Variants in SLC36A2 observed in about 807,000 individuals in gnomAD.
SLC36A2 encodes the protein proton-coupled amino acid transporter 2.
In SLC36A2, 39 loss-of-function variants were observed where a neutral mutation model predicts 42.7. That is an observed-to-expected ratio of 0.91 (90% CI 0.71 to 1.19). The LOEUF is 1.19. SLC36A2 is among the 50% of genes most tolerant of loss of function. The pLI, the probability that SLC36A2 is intolerant of heterozygous loss-of-function variation, is 0.00. For missense variants in SLC36A2, 590 were observed against 613.7 expected, an observed-to-expected ratio of 0.96 and a Z score of 0.41; for synonymous variants, 237 against 240.8, an observed-to-expected ratio of 0.98 and a Z score of 0.15.
intron 8 of SLC36A2, among the ~76,000 whole-genome samples, chr5:151,324,494 G>A (rs1755795872): frequency 6.6e-6 from 1 of 152,034 alleles, no homozygotes; most frequent in African/African-American, 2.4e-5. Context: ...CACCATGCCC[G>A]GCTAATTTTG....
At chr5:151,347,179 A>G (rs1210104418) in intron 1 of SLC36A2, 118 bp downstream of exon 1, 2 of 1,290,624 alleles carry the variant, frequency 1.5e-6, no homozygotes, top group Admixed American at 1.7e-5. Context: ...ACCTTTTGCA[A>G]CCTTGGTTTC....
intron 4 of SLC36A2, among the ~76,000 whole-genome samples, chr5:151,341,368 C>T (rs965007932): frequency 2.6e-5 from 4 of 152,036 alleles, no homozygotes; most frequent in Non-Finnish European, 4.4e-5. Context: ...GGGCTTTGAG[C>T]GAAGGGTGGT....
At chr5:151,345,607 G>A (rs1009001879) in intron 1 of SLC36A2, among the ~76,000 whole-genome samples, 9 of 151,916 alleles carry the variant, frequency 5.9e-5, no homozygotes, top group African/African-American at 9.7e-5. Context: ...TGTCCACATC[G>A]CTGACCGAGC....
At chr5:151,346,221 G>A (rs1212227784) in intron 1 of SLC36A2, among the ~76,000 whole-genome samples, 1 of 152,134 alleles carries the variant, frequency 6.6e-6, no homozygotes, top group East Asian at 1.9e-4. Flanking sequence ...AGCAGTGGCT[G>A]GCCCCAACTT....
intron 4 of SLC36A2, among the ~76,000 whole-genome samples, chr5:151,340,277 TAAGAG>T (rs1411855436): frequency 6.9e-6 from 1 of 145,104 alleles, no homozygotes. Context: ...GAAGAAGAAC[TAAGAG>T]AAGAGGAAGA....
At position 151,315,554 on chromosome 5, in the gene SLC36A2, G is replaced by C. The variant is rs28580881; in HGVS notation, c.*1263C>G. On this transcript the variant is annotated 3_prime_UTR_variant, in exon 10 of 10. Coordinates refer to ENST00000335244, the MANE Select transcript of SLC36A2 (RefSeq NM_181776.3). ...AGGCAGAAGAATCGCTTGAACCCAG[G>C]AGGTGGAGGTTGCAGTGAGCCGAGA... is the stretch of plus-strand genomic sequence containing the variant. 12,451 of 152,280 alleles carry C rather than the reference G, an allele frequency of 0.082. 787 individuals carry two copies. The highest frequency in any genetic ancestry group is 0.17 in the African/African-American group (7,090 of 41,496). 9.4% of individuals were successfully genotyped at this position (152,280 alleles called of 1,614,324 possible).
At chr5:151,339,578 G>A (rs1756261492) in intron 4 of SLC36A2, among the ~76,000 whole-genome samples, 1 of 152,172 alleles carries the variant, frequency 6.6e-6, no homozygotes, top group Non-Finnish European at 1.5e-5. Context: ...CCAAAGTGCT[G>A]GGATTACAGG....
rs528286169 is a variant in SLC36A2, at chr5:151,318,352, T to G, written c.1181-1264A>C. On this transcript the variant is annotated intron_variant, in intron 9 of 9. Transcript: ENST00000335244. ...TGTCAATGTTTGTACTATCAAAATTTGTATCAATGTACAAATTTTTTAGAA... is the reference window on the plus strand; with the variant it reads ...TGTCAATGTTTGTACTATCAAAATTGGTATCAATGTACAAATTTTTTAGAA... Among the ~76,000 whole-genome samples, 31 of 150,746 alleles carry G rather than the reference T, an allele frequency of 2.1e-4. No homozygotes were observed. The South Asian group carries it at 6.5e-3, about 31-fold the overall frequency.
At chr5:151,325,581 G>A (rs1755831536) in intron 7 of SLC36A2, 129 bp from the exon 8 acceptor site, 1 of 971,426 alleles carries the variant, frequency 1.0e-6, no homozygotes, top group Non-Finnish European at 1.6e-6. Context: ...GTACACTTAT[G>A]TTCACAGTAG....
At chr5:151,338,903 A>C in intron 5 of SLC36A2, 157 bp downstream of exon 5, 2 of 631,534 alleles carry the variant, frequency 3.2e-6, no homozygotes, top group Non-Finnish European at 6.1e-6. Flanking sequence ...AGAGATCTTC[A>C]GATATGTGAA....
At position 151,329,963 on chromosome 5, in the gene SLC36A2, G is replaced by A. The variant is rs538739042; in HGVS notation, c.843+3261C>T. 4.6e-5 allele frequency among the ~76,000 whole-genome samples: 7 copies of A among 152,212 alleles called. No individual in the cohort carries two copies. In the South Asian group the frequency reaches 1.5e-3, roughly 32 times the overall value. On this transcript the variant is annotated intron_variant, in intron 7 of 9. Transcript: ENST00000335244. ...TTTTCATATACTCAGGTTCTGCAGGGCCACCTGCAGGACTTGAGTAGGCAC... is the reference window on the plus strand; with the variant it reads ...TTTTCATATACTCAGGTTCTGCAGGACCACCTGCAGGACTTGAGTAGGCAC...
At chr5:151,318,259 TAATA>T (rs1755561174) in intron 9 of SLC36A2, among the ~76,000 whole-genome samples, 1 of 151,928 alleles carries the variant, frequency 6.6e-6, no homozygotes, top group South Asian at 2.1e-4. Context: ...AGCTCTTACT[TAATA>T]AATAACACTA....
At chr5:151,338,872 T>C (rs1318741447) in intron 5 of SLC36A2, 188 bp downstream of exon 5, 2 of 533,754 alleles carry the variant, frequency 3.7e-6, no homozygotes, top group African/African-American at 1.9e-5. Context: ...ATAAAGGGTA[T>C]TGTGGCAAAA....
intron 9 of SLC36A2, among the ~76,000 whole-genome samples, chr5:151,320,340 G>A (rs1441999660): frequency 3.3e-5 from 5 of 150,768 alleles, no homozygotes; most frequent in African/African-American, 9.8e-5. Context: ...TCAAAAACTC[G>A]TTACATGTTA....
At chr5:151,328,958 T>C (rs1755922043) in intron 7 of SLC36A2, among the ~76,000 whole-genome samples, 1 of 152,144 alleles carries the variant, frequency 6.6e-6, no homozygotes, top group African/African-American at 2.4e-5. Flanking sequence ...AGGAAGTACA[T>C]GACAGTGTAG....
At chr5:151,334,416 G>A (rs577513981) in intron 6 of SLC36A2, among the ~76,000 whole-genome samples, 30 of 151,994 alleles carry the variant, frequency 2.0e-4, no homozygotes, top group East Asian at 5.8e-4. Flanking sequence ...TAGGCTGGGC[G>A]TGGTGGCTCA....
At chr5:151,317,906 A>G (rs1244016095) in intron 9 of SLC36A2, among the ~76,000 whole-genome samples, 2 of 152,214 alleles carry the variant, frequency 1.3e-5, no homozygotes, top group Non-Finnish European at 2.9e-5. Flanking sequence ...CTTGAGAAGA[A>G]TTGGCTTCCA....
At chr5:151,335,669 A>C (rs547275010) in intron 5 of SLC36A2, 122 bp from the exon 6 acceptor site, 1 of 776,400 alleles carries the variant, frequency 1.3e-6, no homozygotes, top group East Asian at 2.5e-5. Context: ...CACAGTGCCA[A>C]ATCTCACGGT....
intron 9 of SLC36A2, among the ~76,000 whole-genome samples, chr5:151,321,371 T>C (rs1239067893): frequency 6.9e-6 from 1 of 145,506 alleles, no homozygotes; most frequent in East Asian, 2.0e-4. Context: ...TTAATAGAGA[T>C]GGGGTTTCAC....
Sources: gnomAD v4.1 joint callset for allele counts (sites outside exome capture counted in the v4.1 genomes callset) on GRCh38, gnomAD v4.1.1 for gene constraint, MANE v1.5 for transcripts, NCBI Gene and HGNC (gene_info 2026-07-23, HGNC 2026-07-21) for gene names.